TPRG1: variants seen among roughly 807,000 people sequenced by gnomAD.
The protein encoded by TPRG1 is tumor protein p63 regulated 1.
A neutral mutation model predicts 29.3 loss-of-function variants in TPRG1; 29 were observed. The observed-to-expected ratio is 0.99, with a 90% CI of 0.74 to 1.35. The LOEUF is 1.35. Among genes scored for constraint, TPRG1 ranks in the 40% most tolerant of loss-of-function variants. TPRG1 has a pLI of 0.00. For missense variants in TPRG1, 327 were observed against 335.0 expected (o/e 0.98, Z 0.19); for synonymous variants, 130 against 116.8 (o/e 1.11, Z -0.73).
intron 5 of TPRG1, among the ~76,000 whole-genome samples, chr3:189,312,166 TTTCTTTCTTTCTTTCTTTTTTTCTTTC>T (rs1722724053): frequency 3.6e-4 from 27 of 74,778 alleles, no homozygotes; most frequent in East Asian, 1.2e-3. Flanking sequence ...TCTTTCTTTC[TTTCTTTCTTTCTTTCTTTTTTTCTTTC>T]TTTCTTTCTT....
intron 4 of TPRG1, among the ~76,000 whole-genome samples, chr3:189,033,864 C>T (rs1714094334): frequency 6.6e-6 from 1 of 152,156 alleles, no homozygotes; most frequent in Admixed American, 6.5e-5. Context: ...GCGTGAGCCA[C>T]CGTGCCCAGC....
intron 3 of TPRG1, among the ~76,000 whole-genome samples, chr3:189,234,277 A>G (rs1266634311): frequency 2.0e-5 from 3 of 152,188 alleles, no homozygotes; most frequent in Non-Finnish European, 1.5e-5. Context: ...CTGCAAACCT[A>G]TGGATGGGTA....
At chr3:189,193,591 C>T (rs1174697265) in intron 1 of TPRG1, among the ~76,000 whole-genome samples, 1 of 147,970 alleles carries the variant, frequency 6.8e-6, no homozygotes, top group African/African-American at 2.5e-5. Context: ...TGTAAGCTTT[C>T]CTCACTCCTT....
chr3:189,033,291 T>TA (rs1473043821), intron 4 of TPRG1, among the ~76,000 whole-genome samples: 4 of 151,378 alleles, frequency 2.6e-5, no homozygotes, highest in Non-Finnish European at 4.4e-5. Flanking sequence ...TTTTTTTTTT[T>TA]AATTTCTTGA....
chr3:189,127,228 T>C (rs954292828), intron 2 of TPRG1: 1 of 152,186 alleles, frequency 6.6e-6, no homozygotes, highest in Non-Finnish European at 1.5e-5. Context: ...GAAGGAACTA[T>C]GGGAGTGGCA....
chr3:189,289,145 C>A (rs1257770689), intron 4 of TPRG1, among the ~76,000 whole-genome samples: 1 of 152,158 alleles, frequency 6.6e-6, no homozygotes, highest in Non-Finnish European at 1.5e-5. Context: ...ACCTGTATAC[C>A]CCACAGGCAT....
intron 3 of TPRG1, among the ~76,000 whole-genome samples, chr3:189,139,091 C>T (rs759924957): frequency 1.3e-5 from 2 of 152,184 alleles, no homozygotes; most frequent in Admixed American, 6.5e-5. Context: ...ATTTAGAAAG[C>T]ACCATGTGGT....
intron 4 of TPRG1, among the ~76,000 whole-genome samples, chr3:189,271,992 T>A (rs1054917719): frequency 6.6e-6 from 1 of 152,256 alleles, no homozygotes; most frequent in Non-Finnish European, 1.5e-5. Flanking sequence ...TTGTGCACTC[T>A]GCCTTTCCTA....
At chr3:189,293,357 C>A (rs1467092388) in intron 4 of TPRG1, among the ~76,000 whole-genome samples, 1 of 152,138 alleles carries the variant, frequency 6.6e-6, no homozygotes, top group Non-Finnish European at 1.5e-5. Flanking sequence ...TAGCCACTTT[C>A]TTCTTTCCTC....
At chr3:189,225,983 A>G (rs545454949) in intron 3 of TPRG1, among the ~76,000 whole-genome samples, 84 of 152,354 alleles carry the variant, frequency 5.5e-4, no homozygotes, top group Non-Finnish European at 7.6e-4. Flanking sequence ...TGTACCAAGC[A>G]ATAGAGTTGA....
chr3:189,091,565 TAGG>T (rs954479846), intron 4 of TPRG1, among the ~76,000 whole-genome samples: 6 of 152,180 alleles, frequency 3.9e-5, no homozygotes, highest in African/African-American at 1.4e-4. Flanking sequence ...TTCATATAAA[TAGG>T]AACACATAGC....
chr3:189,237,020 G>A (rs1314306935), intron 3 of TPRG1, among the ~76,000 whole-genome samples: 1 of 152,130 alleles, frequency 6.6e-6, no homozygotes, highest in East Asian at 1.9e-4. Flanking sequence ...GATGATGTGA[G>A]TACTAGTATT....
chr3:189,011,716 G>A (rs1439257135), intron 3 of TPRG1, among the ~76,000 whole-genome samples: 1 of 152,144 alleles, frequency 6.6e-6, no homozygotes, highest in Admixed American at 6.6e-5. Context: ...GGAGCTATGA[G>A]ATGAGATTTG....
chr3:189,000,255 G>T (rs540543929), intron 1 of TPRG1, among the ~76,000 whole-genome samples: 1 of 152,116 alleles, frequency 6.6e-6, no homozygotes, highest in South Asian at 2.1e-4. Flanking sequence ...TTTGGTGGTG[G>T]TTGTTGGATT....
chr3:189,263,343 G>A (rs761054005), intron 4 of TPRG1, among the ~76,000 whole-genome samples: 1 of 152,244 alleles, frequency 6.6e-6, no homozygotes, highest in Admixed American at 6.5e-5. Context: ...GTTTCAGGGA[G>A]AGAGAAGAAC....
chr3:189,270,222 C>T (rs548325539), intron 4 of TPRG1, among the ~76,000 whole-genome samples: 2 of 151,448 alleles, frequency 1.3e-5, no homozygotes, highest in South Asian at 4.2e-4. Context: ...GGTGGTTTTA[C>T]AGAAATTATA....
At chr3:189,275,231 T>C (rs979866658) in intron 4 of TPRG1, among the ~76,000 whole-genome samples, 2 of 152,050 alleles carry the variant, frequency 1.3e-5, no homozygotes, top group African/African-American at 4.8e-5. Flanking sequence ...CAAACAATCT[T>C]AATAGAATAA....
chr3:189,038,868 C>T (rs1483435082), intron 4 of TPRG1, among the ~76,000 whole-genome samples: 1 of 151,076 alleles, frequency 6.6e-6, no homozygotes, highest in African/African-American at 2.4e-5. Context: ...ATGAAGACAT[C>T]CCCAACATCA....
At chr3:189,095,301 G>A (rs1185836498), upstream of TPRG1, among the ~76,000 whole-genome samples, 2 of 152,122 alleles carry the variant, frequency 1.3e-5, no homozygotes, top group East Asian at 3.9e-4. Context: ...GGGAGAGTGG[G>A]GGAGTCATAG....
Sources: allele counts gnomAD v4.1 joint callset (sites outside exome capture counted in the v4.1 genomes callset), GRCh38; gene constraint gnomAD v4.1.1; transcripts MANE v1.5; gene names NCBI Gene and HGNC (gene_info 2026-07-23, HGNC 2026-07-21).